The following PRKD2 variants were observed in gnomAD, a reference collection of about 807,000 sequenced individuals.
PRKD2 encodes the protein protein kinase D2, also known as serine/threonine-protein kinase D2.
Under a neutral mutation model 86.0 loss-of-function variants are expected in PRKD2, and 22 were observed. The ratio of observed to expected loss-of-function variants is 0.26; its 90% confidence interval spans 0.18 to 0.37. The LOEUF is 0.37. PRKD2 is among the 10% of genes least tolerant of loss of function. PRKD2 has a pLI of 1.00. For synonymous variants in PRKD2, 509 were observed against 510.9 expected, an observed-to-expected ratio of 1.00 and a Z score of 0.05; for missense variants, 818 against 1,199.2, an observed-to-expected ratio of 0.68 and a Z score of 4.70.
At chr19:46,683,051 T>G (rs548143380) in intron 14 of PRKD2, among the ~76,000 whole-genome samples, 1 of 151,582 alleles carries the variant, frequency 6.6e-6, no homozygotes, top group African/African-American at 2.4e-5. Context: ...CAGGCTGAAG[T>G]GCAGTATCAT....
chr19:46,687,069 T>A (rs1008414783), intron 14 of PRKD2, among the ~76,000 whole-genome samples: 2 of 151,630 alleles, frequency 1.3e-5, no homozygotes, highest in Non-Finnish European at 2.9e-5. Context: ...GAATCTAATG[T>A]GCACCTCCAC....
chr19:46,681,597 C>A, intron 15 of PRKD2, 53 bp downstream of exon 15: 3 of 961,012 alleles, frequency 3.1e-6, no homozygotes, highest in Admixed American at 2.2e-5. Context: ...CACCCCCACC[C>A]CGGCCATCAG....
At chr19:46,708,726 C>T (rs913077144) in intron 3 of PRKD2, among the ~76,000 whole-genome samples, 1 of 152,204 alleles carries the variant, frequency 6.6e-6, no homozygotes, top group African/African-American at 2.4e-5. Context: ...AAACAGAACC[C>T]TGCCAGAATC....
chr19:46,700,540 C>T (rs2122725738), intron 7 of PRKD2, among the ~76,000 whole-genome samples: 1 of 152,010 alleles, frequency 6.6e-6, no homozygotes, highest in African/African-American at 2.4e-5. Context: ...GCTAAGGTGG[C>T]AGGATCGCTT....
rs778390620 is a variant in PRKD2 at position 46,691,919 on chromosome 19, G to T, written c.1629+14C>A. ...GTGGGAGGGGAGGGCATCAGGTGGG[G>T]GCAGGAGTCTCACCACATTCTCTTG... On this transcript the variant is annotated intron_variant, in intron 11 of 17. Coordinates refer to ENST00000291281, the MANE Select transcript of PRKD2 (RefSeq NM_016457.5). The T allele has an allele frequency of 6.2e-7, 1 of 1,613,432 alleles. No individual in the cohort carries two copies.
rs2053167734 is a variant in PRKD2, at chr19:46,674,627, G to A, written c.2533C>T (p.Pro845Ser). The A allele has an allele frequency of 6.2e-7, 1 of 1,608,782 alleles. No homozygotes were observed. The highest frequency in any genetic ancestry group is 1.1e-5 in the South Asian group (1 of 91,056). The change falls in exon 18 of 18, where the codon CCG (proline) becomes TCG (serine). Residue 845 changes from proline (P) to serine (S), a missense_variant. Physicochemically the swap from Pro to Ser is moderately conservative, Grantham distance 74. Transcript: ENST00000291281. ...ARWEQFAAEH[P>S]LPGSGLPTDR... The stretch of plus-strand genomic sequence containing the variant: ...GTGGGCAGCCCAGACCCAGGCAGCG[G>A]ATGCTCTGCTGCAAACTGCTCCCAG...
At position 46,693,925 on chromosome 19, in the gene PRKD2, A is replaced by G. The variant is rs760325391; in HGVS notation, c.1526T>C (p.Met509Thr). The change falls in exon 10 of 18, where the codon ATG (methionine) becomes ACG (threonine). Residue 509 changes from methionine (M) to threonine (T), a missense_variant. This residue lies in a region of PRKD2 where 154 missense variants were observed against 359.6 expected (regional missense o/e 0.43). Coordinates refer to ENST00000291281, the MANE Select transcript of PRKD2 (RefSeq NM_016457.5). This position sits in a 1 kb window ranked among gnomAD's most constrained non-coding sequence, Gnocchi z 4.5. Reference protein sequence around the residue: ...GWETAIRQALMPVILQDAPSA... With the variant: ...GWETAIRQALTPVILQDAPSA... ...GGGTGCGTCCTGAAGGATGACGGGC[A>G]TCAGGGCCTGGCGGATGGCTGTCTC... 1.9e-6 allele frequency: 3 copies of G among 1,610,370 alleles called. No homozygotes were observed. Among genetic ancestry groups the G allele is most frequent in the Non-Finnish European group, 2.5e-6 (3 of 1,179,476 alleles).
At chr19:46,680,031 T>C (rs1208383955) in intron 15 of PRKD2, among the ~76,000 whole-genome samples, 1 of 152,108 alleles carries the variant, frequency 6.6e-6, no homozygotes, top group Non-Finnish European at 1.5e-5. Flanking sequence ...TCAGCCTTGG[T>C]TCCCAGCTCT....
At position 46,691,892 on chromosome 19, in the gene PRKD2, T is replaced by C. The variant is rs1215902405; in HGVS notation, c.1629+41A>G. 6.2e-6 allele frequency: 10 copies of C among 1,611,388 alleles called. No homozygotes were observed. The East Asian group carries it at 1.6e-4, about 25-fold the overall frequency. ...AGGAGACGAGAGAGCTGAGGAGGGT[T>C]TGTGGGAGGGGAGGGCATCAGGTGG... On this transcript the variant is annotated intron_variant, in intron 11 of 17. Transcript: ENST00000291281.
chr19:46,675,064 A>G lies in PRKD2; in HGVS notation c.2393T>C (p.Val798Ala). 1.2e-6 allele frequency: 2 copies of G among 1,610,924 alleles called. No homozygotes were observed. The highest frequency in any genetic ancestry group is 1.1e-5 in the South Asian group (1 of 90,210). Reference sequence around the variant, plus strand: ...CCAGGGGTGGCTGAGAGATTTGTCCACGCTGTAGCGTTTGCGCATCTTCAC... The same window carrying G: ...CCAGGGGTGGCTGAGAGATTTGTCCGCGCTGTAGCGTTTGCGCATCTTCAC... ...LQVKMRKRYS[V>A]DKSLSHPWLQ... is the part of the protein sequence containing the mutation. Residue 798 changes from valine (V) to alanine (A), a missense_variant, in exon 17 of 18, where the codon GTG (valine) becomes GCG (alanine). Transcript: ENST00000291281.
intron 3 of PRKD2, among the ~76,000 whole-genome samples, chr19:46,706,892 CTTTT>C (rs574385292): frequency 4.5e-5 from 6 of 134,174 alleles, no homozygotes; most frequent in Non-Finnish European, 1.6e-5. Context: ...AACTGGATTT[CTTTT>C]TTTTTTTTTT....
chr19:46,691,366 C>G (rs314674), intron 12 of PRKD2, among the ~76,000 whole-genome samples: 139,051 of 152,034 alleles, frequency 0.91, 63,710 homozygotes, highest in East Asian at 1. Flanking sequence ...TCAGAATCTA[C>G]GAACTAGTTC....
chr19:46,681,597 C>CCCCCCCCA, intron 15 of PRKD2, 53 bp downstream of exon 15: 1 of 961,012 alleles, frequency 1.0e-6, no homozygotes, highest in Non-Finnish European at 1.6e-6. Flanking sequence ...CACCCCCACC[C>CCCCCCCCA]CGGCCATCAG....
chr19:46,707,638 T>C (rs939142246), intron 3 of PRKD2, among the ~76,000 whole-genome samples: 1 of 151,966 alleles, frequency 6.6e-6, no homozygotes, highest in African/African-American at 2.4e-5. Context: ...GAATGGATGG[T>C]CCTCACCTGT....
At chr19:46,712,134 C>T (rs1353991128) in intron 2 of PRKD2, among the ~76,000 whole-genome samples, 1 of 151,410 alleles carries the variant, frequency 6.6e-6, no homozygotes, top group Non-Finnish European at 1.5e-5. Flanking sequence ...GTCCAGCCAC[C>T]TCAGGAGGCT....
intron 4 of PRKD2, 36 bp downstream of exon 4, chr19:46,704,459 C>G (rs1353974708): frequency 8.1e-6 from 13 of 1,613,948 alleles, no homozygotes; most frequent in Non-Finnish European, 1.1e-5. Context: ...AGTCACCCCC[C>G]TAGCCACCAA....
intron 7 of PRKD2, 106 bp from the exon 8 acceptor site, chr19:46,697,956 T>C (rs2053585072): frequency 2.2e-6 from 2 of 911,434 alleles, no homozygotes; most frequent in Non-Finnish European, 3.5e-6. Flanking sequence ...GGACTGTTTT[T>C]GTTTGTTTGG....
intron 5 of PRKD2, among the ~76,000 whole-genome samples, chr19:46,703,271 G>A (rs765394891): frequency 3.9e-5 from 6 of 152,222 alleles, no homozygotes; most frequent in Non-Finnish European, 7.4e-5. Context: ...AGAATTCTCA[G>A]GTTCTACAGT....
intron 1 of PRKD2, among the ~76,000 whole-genome samples, chr19:46,715,218 T>C (rs888164490): frequency 9.8e-5 from 15 of 152,320 alleles, no homozygotes; most frequent in South Asian, 2.1e-4. Context: ...TTGAATTCTT[T>C]AGCATTCAAG....
Sources: allele counts gnomAD v4.1 joint callset (sites outside exome capture counted in the v4.1 genomes callset), GRCh38; gene constraint gnomAD v4.1.1; regional missense constraint gnomAD v4.1.1; non-coding constraint Gnocchi (gnomAD v3.1); transcripts MANE v1.5; gene names NCBI Gene and HGNC (gene_info 2026-07-23, HGNC 2026-07-21).